Variants in WWTR1 observed in about 807,000 individuals in gnomAD.
WWTR1 encodes WW domain containing transcription regulator 1, also known as WW domain-containing transcription regulator protein 1.
A neutral mutation model predicts 40.1 loss-of-function variants in WWTR1; 13 were observed. The ratio of observed to expected loss-of-function variants is 0.32; its 90% CI spans 0.21 to 0.52. The LOEUF is 0.52. Ranked by LOEUF, WWTR1 falls within the 20% of genes least tolerant of loss-of-function variation. WWTR1 has a pLI of 0.97. For synonymous variants in WWTR1, 230 were observed against 210.1 expected (o/e 1.09, Z -0.82); for missense variants, 436 against 523.1 (o/e 0.83, Z 1.63).
At position 149,594,560 on chromosome 3, in the gene WWTR1, G is replaced by A. The variant is rs559133606; in HGVS notation, c.432-21560C>T. Among the ~76,000 whole-genome samples the A allele has an allele frequency of 3.3e-4, 51 of 152,278 alleles. 1 individual carries two copies. The highest frequency in any genetic ancestry group is 2.1e-4 in the South Asian group (1 of 4,828). ...AATTTAATCATAAAGAACCCATCGT[G>A]TGTGATAGTGGTCTAAAGTTTTTTT... On this transcript the variant is annotated intron_variant, in intron 2 of 6. Coordinates refer to ENST00000360632, the MANE Select transcript of WWTR1 (RefSeq NM_015472.6).
intron 1 of WWTR1, among the ~76,000 whole-genome samples, chr3:149,671,512 A>G (rs796868643): frequency 1.4e-4 from 22 of 152,328 alleles, no homozygotes; most frequent in African/African-American, 5.3e-4. Flanking sequence ...CTCCTTCACA[A>G]AATTTTCAGT....
At chr3:149,547,942 A>G (rs1736440940) in intron 3 of WWTR1, among the ~76,000 whole-genome samples, 1 of 143,460 alleles carries the variant, frequency 7.0e-6, no homozygotes, top group Admixed American at 6.9e-5. Context: ...TAAAGGAAAA[A>G]ATCACACACA....
intron 2 of WWTR1, among the ~76,000 whole-genome samples, chr3:149,636,859 C>T (rs372561845): frequency 1.4e-5 from 2 of 145,030 alleles, no homozygotes; most frequent in African/African-American, 2.5e-5. Flanking sequence ...CCCAGCTACT[C>T]GGGAGGCTGA....
intron 3 of WWTR1, among the ~76,000 whole-genome samples, chr3:149,568,443 A>G (rs1479279683): frequency 2.7e-5 from 4 of 148,554 alleles, no homozygotes; most frequent in African/African-American, 7.4e-5. Context: ...AAATTGGTAA[A>G]GCCTGATTTG....
chr3:149,670,056 G>C (rs1219911416), intron 1 of WWTR1, among the ~76,000 whole-genome samples: 1 of 152,202 alleles, frequency 6.6e-6, no homozygotes, highest in Non-Finnish European at 1.5e-5. Context: ...TGACCCTTAG[G>C]GGCGTCCCGC....
intron 2 of WWTR1, among the ~76,000 whole-genome samples, chr3:149,589,791 TA>T (rs1738611218): frequency 9.8e-6 from 1 of 102,460 alleles, no homozygotes; most frequent in East Asian, 4.2e-4. Context: ...GTGACTGAAT[TA>T]AAGGAATGAA....
intron 2 of WWTR1, among the ~76,000 whole-genome samples, chr3:149,577,161 GAACAAACA>G (rs146268231): frequency 1.3e-5 from 2 of 151,762 alleles, no homozygotes; most frequent in Non-Finnish European, 2.9e-5. Flanking sequence ...CAGTCTCAAA[GAACAAACA>G]AACAAACAAA....
At chr3:149,545,986 A>G (rs1450606278) in intron 3 of WWTR1, among the ~76,000 whole-genome samples, 1 of 152,222 alleles carries the variant, frequency 6.6e-6, no homozygotes, top group Non-Finnish European at 1.5e-5. Context: ...AGTGTACTGT[A>G]TTACTGAAAG....
chr3:149,614,209 G>A (rs1187838237), intron 2 of WWTR1, among the ~76,000 whole-genome samples: 1 of 152,120 alleles, frequency 6.6e-6, no homozygotes, highest in Non-Finnish European at 1.5e-5. Context: ...ATTCAACAGT[G>A]GGCCCATAAG....
intron 2 of WWTR1, among the ~76,000 whole-genome samples, chr3:149,620,740 C>T (rs1389259157): frequency 6.6e-6 from 1 of 152,124 alleles, no homozygotes; most frequent in Non-Finnish European, 1.5e-5. Context: ...AGCTCACATC[C>T]CATCTGTCTG....
intron 1 of WWTR1, among the ~76,000 whole-genome samples, chr3:149,698,436 G>C (rs1381404579): frequency 1.3e-5 from 2 of 152,194 alleles, no homozygotes; most frequent in African/African-American, 4.8e-5. Flanking sequence ...GTTGAACTGT[G>C]AGTCAATTAA....
intron 2 of WWTR1, among the ~76,000 whole-genome samples, chr3:149,588,472 T>C (rs1201472005): frequency 6.6e-6 from 1 of 152,228 alleles, no homozygotes; most frequent in Non-Finnish European, 1.5e-5. Flanking sequence ...CGGTTTTGTT[T>C]CTATCTTTAG....
intron 2 of WWTR1, among the ~76,000 whole-genome samples, chr3:149,651,835 T>TC (rs1712887748): frequency 6.8e-6 from 1 of 147,094 alleles, no homozygotes; most frequent in Non-Finnish European, 1.5e-5. Flanking sequence ...TTTTCTTTTT[T>TC]TTTTTTTTTT....
chr3:149,548,785 T>A (rs1736481027), intron 3 of WWTR1, among the ~76,000 whole-genome samples: 1 of 152,214 alleles, frequency 6.6e-6, no homozygotes, highest in South Asian at 2.1e-4. Context: ...GACAACAAAC[T>A]TCTCAGTGGA....
At chr3:149,560,960 C>A (rs1164086982) in intron 3 of WWTR1, among the ~76,000 whole-genome samples, 4 of 151,468 alleles carry the variant, frequency 2.6e-5, no homozygotes, top group East Asian at 1.9e-4. Flanking sequence ...AGTAACACCC[C>A]CCCCCGCAAA....
intron 5 of WWTR1, among the ~76,000 whole-genome samples, chr3:149,712,646 A>G (rs1715504853): frequency 6.6e-6 from 1 of 152,220 alleles, no homozygotes; most frequent in Non-Finnish European, 1.5e-5. Flanking sequence ...ATGAATAGGA[A>G]TTTTGAGGAT....
chr3:149,665,631 G>GT (rs574956465), intron 2 of WWTR1, among the ~76,000 whole-genome samples: 1 of 152,174 alleles, frequency 6.6e-6, no homozygotes, highest in South Asian at 2.1e-4. Flanking sequence ...TGAAGACAAT[G>GT]TGACAACCTG....
intron 1 of WWTR1, among the ~76,000 whole-genome samples, chr3:149,695,201 A>C (rs945439072): frequency 6.6e-6 from 1 of 152,238 alleles, no homozygotes; most frequent in Admixed American, 6.5e-5. Context: ...TGGTTAATAC[A>C]TACAAAAATA....
At chr3:149,642,978 A>G (rs1316065667) in intron 2 of WWTR1, among the ~76,000 whole-genome samples, 1 of 152,296 alleles carries the variant, frequency 6.6e-6, no homozygotes, top group South Asian at 2.1e-4. Context: ...CTAAATTCAC[A>G]TGTCTTTACA....
Sources: allele counts gnomAD v4.1 joint callset (sites outside exome capture counted in the v4.1 genomes callset), GRCh38; gene constraint gnomAD v4.1.1; transcripts MANE v1.5; gene names NCBI Gene and HGNC (gene_info 2026-07-23, HGNC 2026-07-21).